The following RARA variants were observed in gnomAD, a reference collection of about 807,000 sequenced individuals.
RARA encodes PML-DDX5-RARA fusion.
RARA carries 5 observed loss-of-function variants against 42.8 expected under a neutral mutation model. The ratio of observed to expected loss-of-function variants is 0.12; its 90% CI spans 0.06 to 0.25. The LOEUF (loss-of-function observed/expected upper bound fraction) is 0.25, where lower values mean the gene tolerates loss of function less well. Ranked by LOEUF, RARA falls within the 10% of genes least tolerant of loss-of-function variation. The pLI, the probability that RARA is intolerant of heterozygous loss-of-function variation, is 1.00. For missense variants in RARA, 402 were observed against 628.7 expected (o/e 0.64, Z 3.86); for synonymous variants, 256 against 259.5 (o/e 0.99, Z 0.13).
chr17:40,330,979 T>G lies in RARA; in HGVS notation c.-240T>G. 2.1e-6 allele frequency: 1 copy of G among 481,126 alleles called. No individual in the cohort carries two copies. The highest frequency in any genetic ancestry group is 3.7e-6 in the Non-Finnish European group (1 of 273,744). 29.8% of individuals were successfully genotyped at this position (481,126 alleles called of 1,614,324 possible). ...AAAAGTGCCAGCTCACAGAACTGCT[T>G]GACCAAAGGACCGGCTCTTGAGACA... is the stretch of plus-strand genomic sequence containing the variant. On this transcript the variant is annotated 5_prime_UTR_variant, in exon 2 of 9. Coordinates refer to ENST00000254066, the MANE Select transcript of RARA (RefSeq NM_000964.4).
At chr17:40,319,830 G>T (rs376363726) in intron 1 of RARA, among the ~76,000 whole-genome samples, 39 of 152,324 alleles carry the variant, frequency 2.6e-4, no homozygotes, top group African/African-American at 3.6e-4. Context: ...GGCCGGGGGG[G>T]GCGGGTAGAG....
chr17:40,348,551 G>T (rs2034342223), intron 3 of RARA, 87 bp downstream of exon 3: 2 of 1,459,186 alleles, frequency 1.4e-6, no homozygotes, highest in South Asian at 1.4e-5. Context: ...TGCAGTTGGG[G>T]GGTGTCCCTG....
At chr17:40,347,647 G>A (rs1319849995) in intron 2 of RARA, among the ~76,000 whole-genome samples, 3 of 152,132 alleles carry the variant, frequency 2.0e-5, no homozygotes, top group Non-Finnish European at 2.9e-5. Context: ...CAGAATAATG[G>A]GCTTTTGGGG....
At chr17:40,342,575 C>T in intron 2 of RARA, 5 of 1,387,180 alleles carry the variant, frequency 3.6e-6, no homozygotes, top group East Asian at 5.7e-5. Context: ...GCCCCCTGCC[C>T]GGGTCACCAG....
intron 6 of RARA, among the ~76,000 whole-genome samples, chr17:40,353,582 G>C (rs1302898633): frequency 6.6e-6 from 1 of 152,140 alleles, no homozygotes. Context: ...TCAGCCTCCT[G>C]AGTAGCTGGG....
At position 40,354,466 on chromosome 17, in the gene RARA, G is replaced by A. The variant is rs778667068; in HGVS notation, c.972G>A (p.Ala324=). 11 of 1,613,930 alleles carry A rather than the reference G, an allele frequency of 6.8e-6. No individual in the cohort carries two copies. The highest frequency in any genetic ancestry group is 1.1e-5 in the South Asian group (1 of 91,086). ...TGCTGCCCCTGGAGATGGATGATGC[G>A]GAGACGGGGCTGCTCAGCGCCATCT... ...NQLLPLEMDD[A]ETGLLSAICL... is the part of the protein sequence containing the mutation. Residue 324 remains alanine, a synonymous_variant, in exon 7 of 9, where the codon GCG becomes GCA. Transcript: ENST00000254066. The surrounding 1 kb of genome is among the most constrained non-coding windows in gnomAD (Gnocchi z 4.5).
Position 40,345,768 on chromosome 17 carries a change from C to T in RARA, c.179-2548C>T, listed in dbSNP as rs147593540. ...CGGGCAGTCCCTCCCCCGTTGGTGT[C>T]CCTCCCCACTCCACCTGTGTGTGCA... On this transcript the variant is annotated intron_variant, in intron 2 of 8. Transcript: ENST00000254066. The surrounding 1 kb of genome is among the most constrained non-coding windows in gnomAD (Gnocchi z 4.8). Among the ~76,000 whole-genome samples, 193 of 152,278 alleles carry T rather than the reference C, an allele frequency of 1.3e-3. 2 individuals are homozygous for T. The highest frequency in any genetic ancestry group is 4.5e-3 in the African/African-American group (186 of 41,544).
intron 2 of RARA, chr17:40,342,868 G>C: frequency 1.2e-6 from 2 of 1,610,488 alleles, no homozygotes. Context: ...TCAAACCACT[G>C]TACGTACCGG....
At chr17:40,340,600 A>G (rs1405702008) in intron 2 of RARA, among the ~76,000 whole-genome samples, 3 of 152,160 alleles carry the variant, frequency 2.0e-5, no homozygotes, top group East Asian at 1.9e-4. Context: ...TTAACTTACA[A>G]ACTTTCTCTT....
chr17:40,338,878 C>T (rs1166138965), intron 2 of RARA, among the ~76,000 whole-genome samples: 1 of 151,968 alleles, frequency 6.6e-6, no homozygotes, highest in Non-Finnish European at 1.5e-5. Context: ...ATTAGCTGGG[C>T]ATGCTGGTGC....
Position 40,320,598 on chromosome 17 carries a change from ACTCCAGT to A in RARA, c.-362-10255_-362-10249del, listed in dbSNP as rs1344373608. The stretch of plus-strand genomic sequence containing the variant: ...TTCTTCCAGGCCACTCCTTGCTCAG[ACTCCAGT>A]CTCAGGTGGGATGGTCCTCAGAACC... On this transcript the variant is annotated intron_variant, in intron 1 of 8. Coordinates refer to ENST00000254066, the MANE Select transcript of RARA (RefSeq NM_000964.4). The surrounding 1 kb of genome is among the most constrained non-coding windows in gnomAD (Gnocchi z 4.1). Among the ~76,000 whole-genome samples the A allele has an allele frequency of 6.6e-6, 1 of 151,202 alleles. No homozygotes were observed. Among genetic ancestry groups the A allele is most frequent in the East Asian group, 1.9e-4 (1 of 5,152 alleles).
rs1356945117 is a variant in RARA, at chr17:40,357,571, C to A, written c.*1345C>A. The A allele has an allele frequency of 4.3e-6, 1 of 232,346 alleles. No individual in the cohort carries two copies. Among genetic ancestry groups the A allele is most frequent in the Non-Finnish European group, 8.5e-6 (1 of 117,550 alleles). 14.4% of individuals were successfully genotyped at this position (232,346 alleles called of 1,614,324 possible). On this transcript the variant is annotated 3_prime_UTR_variant, in exon 9 of 9. Transcript: ENST00000254066. ...GGTTGGGGCCCCTTCCCCTGGAGCC[C>A]GTGGGTGCACCTGTTACTGTTGGGC...
intron 1 of RARA, among the ~76,000 whole-genome samples, chr17:40,314,821 C>A (rs2143160153): frequency 6.6e-6 from 1 of 151,884 alleles, no homozygotes; most frequent in African/African-American, 2.4e-5. Context: ...CCGGATGCAG[C>A]TGAGTCACCC....
intron 6 of RARA, among the ~76,000 whole-genome samples, chr17:40,353,676 G>A (rs1241159171): frequency 2.0e-5 from 3 of 152,138 alleles, no homozygotes; most frequent in Non-Finnish European, 4.4e-5. Context: ...GGCCGGTCTC[G>A]AACTCCTGAC....
chr17:40,338,322 G>A (rs1250606867), intron 2 of RARA, among the ~76,000 whole-genome samples: 1 of 152,162 alleles, frequency 6.6e-6, no homozygotes, highest in Non-Finnish European at 1.5e-5. Flanking sequence ...TGGAGTTGGG[G>A]CACAGCGAGG....
intron 1 of RARA, among the ~76,000 whole-genome samples, chr17:40,327,289 C>T (rs1010592737): frequency 6.6e-6 from 1 of 152,194 alleles, no homozygotes; most frequent in Admixed American, 6.5e-5. Context: ...GGTCAGGATG[C>T]CTGAGATCTG....
rs1350473000 is a variant in RARA, at chr17:40,357,414, GC to G, written c.*1194del. Reference sequence around the variant, plus strand: ...CCGAGTTCCTCCATTTCCCTGGCCTGCCCCCCACCCCCAACCTGTCCCACCC... The same window carrying G: ...CCGAGTTCCTCCATTTCCCTGGCCTGCCCCCACCCCCAACCTGTCCCACCC... On this transcript the variant is annotated 3_prime_UTR_variant, in exon 9 of 9. Transcript: ENST00000254066. The G allele has an allele frequency of 1.3e-5, 3 of 227,602 alleles. No individual in the cohort carries two copies. The highest frequency in any genetic ancestry group is 2.2e-5 in the African/African-American group (1 of 44,564). 14.1% of individuals were successfully genotyped at this position (227,602 alleles called of 1,614,324 possible).
chr17:40,348,174 C>A, intron 2 of RARA, 142 bp from the exon 3 acceptor site: 1 of 1,095,810 alleles, frequency 9.1e-7, no homozygotes. Flanking sequence ...GCTGGGGAGT[C>A]CCAGTTTTCT....
Position 40,357,550 on chromosome 17 carries a change from G to A in RARA, c.*1324G>A. ...GCCCCGACCTCCTTCACCAGGGGTT[G>A]GGGCCCCTTCCCCTGGAGCCCGTGG... On this transcript the variant is annotated 3_prime_UTR_variant, in exon 9 of 9. Transcript: ENST00000254066. The A allele has an allele frequency of 4.3e-6, 1 of 232,486 alleles. No homozygotes were observed. Among genetic ancestry groups the A allele is most frequent in the Non-Finnish European group, 8.5e-6 (1 of 117,596 alleles). 14.4% of individuals were successfully genotyped at this position (232,486 alleles called of 1,614,324 possible).
Sources: allele counts gnomAD v4.1 joint callset (sites outside exome capture counted in the v4.1 genomes callset), GRCh38; gene constraint gnomAD v4.1.1; non-coding constraint Gnocchi (gnomAD v3.1); transcripts MANE v1.5; gene names NCBI Gene and HGNC (gene_info 2026-07-23, HGNC 2026-07-21).